Variants in SGTA observed in about 807,000 individuals in gnomAD.
SGTA encodes small glutamine rich tetratricopeptide repeat co-chaperone alpha, also known as small glutamine-rich tetratricopeptide repeat-containing protein alpha.
Under a neutral mutation model 44.3 loss-of-function variants are expected in SGTA, and 22 were observed. That is an observed-to-expected ratio of 0.50 (90% CI 0.36 to 0.71). The LOEUF is 0.71. Ranked by LOEUF, SGTA falls within the 30% of genes least tolerant of loss-of-function variation. The pLI is 0.00. For missense variants in SGTA, 341 were observed against 435.9 expected, an observed-to-expected ratio of 0.78 and a Z score of 1.94; for synonymous variants, 174 against 177.6, an observed-to-expected ratio of 0.98 and a Z score of 0.16.
In SGTA at chr19:2,761,599, AACGGCCCCCC is replaced by A. The variant is rs1448439851; in HGVS notation, c.637-87_637-78del. On this transcript the variant is annotated intron_variant, in intron 7 of 11. Transcript: ENST00000221566. This position sits in a 1 kb window ranked among gnomAD's most constrained non-coding sequence, Gnocchi z 5.7. ...GAATAACCCCCTGGAACTCAGAAAC[AACGGCCCCCC>A]ACGGGGCTCAGACATTCTATCAACC... 4.9e-6 allele frequency: 6 copies of A among 1,228,354 alleles called. No individual in the cohort carries two copies. The African/African-American group carries it at 9.0e-5, about 18-fold the overall frequency. 76.1% of individuals were successfully genotyped at this position (1,228,354 alleles called of 1,614,324 possible). A position where few individuals can be genotyped will look rare whatever the true frequency, so the allele number is the denominator to read the frequency against.
chr19:2,768,885 G>A, intron 2 of SGTA, 84 bp downstream of exon 2: 1 of 990,708 alleles, frequency 1.0e-6, no homozygotes, highest in Non-Finnish European at 1.6e-6. Context: ...CGGGGGACCA[G>A]GCATCTACAC....
At chr19:2,768,773 G>A (rs961636314) in intron 2 of SGTA, among the ~76,000 whole-genome samples, 196 bp downstream of exon 2, 1 of 152,244 alleles carries the variant, frequency 6.6e-6, no homozygotes, top group Admixed American at 6.5e-5. Flanking sequence ...AGTGGCAGGC[G>A]GGAGGGCTCA....
chr19:2,765,191 G>A lies in SGTA; in HGVS notation c.387C>T (p.Cys129=). The A allele has an allele frequency of 6.8e-6, 11 of 1,613,514 alleles. No homozygotes were observed. The highest frequency in any genetic ancestry group is 9.3e-6 in the Non-Finnish European group (11 of 1,179,502). The change falls in exon 5 of 12, where the codon TGC becomes TGT. Residue 129 remains cysteine, a synonymous_variant. Transcript: ENST00000221566. The surrounding 1 kb of genome is among the most constrained non-coding windows in gnomAD (Gnocchi z 5.5). ...GGCAGGCCCTGAGCTGGTACCTGTT[G>A]CAGAAATAGACGGCGTTGGCTGGGT... The part of the protein sequence containing the change: ...ELNPANAVYF[C]NRAAAYSKLG...
intron 1 of SGTA, among the ~76,000 whole-genome samples, chr19:2,779,759 A>G (rs1277629413): frequency 6.6e-6 from 1 of 152,186 alleles, no homozygotes; most frequent in African/African-American, 2.4e-5. Context: ...TTTTATCATT[A>G]AAATAAAAAC....
intron 11 of SGTA, among the ~76,000 whole-genome samples, chr19:2,756,356 C>T (rs1202182876): frequency 6.6e-6 from 1 of 150,578 alleles, no homozygotes; most frequent in Non-Finnish European, 1.5e-5. Flanking sequence ...TTTGGGAGGC[C>T]GAGGCGGGAG....
At chr19:2,756,018 A>G in intron 11 of SGTA, 85 bp from the exon 12 acceptor site, 4 of 783,618 alleles carry the variant, frequency 5.1e-6, no homozygotes, top group Non-Finnish European at 6.2e-6. Flanking sequence ...GGAGAGGCCC[A>G]GAGTGGACAG....
At position 2,765,361 on chromosome 19, in the gene SGTA, G is replaced by A. The variant is rs534620400; in HGVS notation, c.293-76C>T. The A allele has an allele frequency of 6.3e-5, 70 of 1,116,244 alleles. 2 individuals carry two copies. The highest frequency in any genetic ancestry group is 5.7e-4 in the South Asian group (44 of 76,530). The allele number at this position is 1,116,244 out of a possible 1,614,324, so 69.1% of individuals were successfully genotyped here. ...GGTGTCAGGGAGAGAGGAAAACACC[G>A]GCCTGGTGTCCACACAGACCCGAGG... On this transcript the variant is annotated intron_variant, in intron 4 of 11. Coordinates refer to ENST00000221566, the MANE Select transcript of SGTA (RefSeq NM_003021.4). The surrounding 1 kb of genome is among the most constrained non-coding windows in gnomAD (Gnocchi z 5.5).
chr19:2,769,177 C>T (rs1915231861), intron 1 of SGTA, 86 bp from the exon 2 acceptor site: 1 of 758,922 alleles, frequency 1.3e-6, no homozygotes. Context: ...AGCTGGGCCT[C>T]ACTTTAAGGG....
rs112124311 is a variant in SGTA, at chr19:2,765,823, G to A, written c.293-538C>T. 2.6e-5 allele frequency among the ~76,000 whole-genome samples: 4 copies of A among 151,978 alleles called. No individual in the cohort carries two copies. Among genetic ancestry groups the A allele is most frequent in the Non-Finnish European group, 5.9e-5 (4 of 67,994 alleles). Reference sequence around the variant, plus strand: ...AAGACAGAAACCCACTCCCGCCCCCGAGATCCCAATTCAGGAGGGCGTGGG... The same window carrying A: ...AAGACAGAAACCCACTCCCGCCCCCAAGATCCCAATTCAGGAGGGCGTGGG... On this transcript the variant is annotated intron_variant, in intron 4 of 11. Coordinates refer to ENST00000221566, the MANE Select transcript of SGTA (RefSeq NM_003021.4). The surrounding 1 kb of genome is among the most constrained non-coding windows in gnomAD (Gnocchi z 5.5).
chr19:2,759,297 G>A lies in SGTA; in HGVS notation c.700-3C>T. 2 of 1,613,724 alleles carry A rather than the reference G, an allele frequency of 1.2e-6. No individual in the cohort carries two copies. Among genetic ancestry groups the A allele is most frequent in the Non-Finnish European group, 1.7e-6 (2 of 1,179,658 alleles). On this transcript the variant is annotated splice_polypyrimidine_tract_variant and splice_region_variant and intron_variant, in intron 8 of 11. Transcript: ENST00000221566. ...GGATTGTTCATTAGGTTCGAAGCCT[G>A]AAGAACAGAACAAATTTGTCAGGAA...
At position 2,761,464 on chromosome 19, in the gene SGTA, C is replaced by T. The variant is rs754207978; in HGVS notation, c.695G>A (p.Ser232Asn). 20 of 1,551,498 alleles carry T rather than the reference C, an allele frequency of 1.3e-5. No homozygotes were observed. The South Asian group carries it at 1.8e-4, about 14-fold the overall frequency. Reference sequence around the variant, plus strand: ...GGAGGAGGGGCGGGCCGTTACCATGCTCATGAAGCCAGGGTTGTTCAGCAG... The same window carrying T: ...GGAGGAGGGGCGGGCCGTTACCATGTTCATGAAGCCAGGGTTGTTCAGCAG... Reference protein sequence around the residue: ...AGLLNNPGFMSMASNLMNNPQ... With the variant: ...AGLLNNPGFMNMASNLMNNPQ... Residue 232 changes from serine (S) to asparagine (N), a missense_variant, in exon 8 of 12, where the codon AGC becomes AAC. Ser to Asn is a conservative substitution (Grantham distance 46, BLOSUM62 1). Transcript: ENST00000221566. This position sits in a 1 kb window ranked among gnomAD's most constrained non-coding sequence, Gnocchi z 5.7.
intron 1 of SGTA, among the ~76,000 whole-genome samples, chr19:2,776,493 C>T (rs1370218248): frequency 1.3e-5 from 2 of 152,150 alleles, no homozygotes; most frequent in Non-Finnish European, 2.9e-5. Flanking sequence ...TCCCTAGAGT[C>T]GTTGGATTCA....
intron 1 of SGTA, among the ~76,000 whole-genome samples, chr19:2,771,495 G>C (rs1013712607): frequency 4.0e-5 from 6 of 151,124 alleles, no homozygotes; most frequent in African/African-American, 1.5e-4. Flanking sequence ...TTGGCAGTGT[G>C]ACCTAGGGGA....
At chr19:2,779,795 C>T (rs1176518242) in intron 1 of SGTA, among the ~76,000 whole-genome samples, 2 of 152,170 alleles carry the variant, frequency 1.3e-5, no homozygotes, top group Admixed American at 6.5e-5. Context: ...CCACCTCGGT[C>T]GGGGCGGTGG....
chr19:2,780,280 T>C (rs1406925462), intron 1 of SGTA, among the ~76,000 whole-genome samples: 1 of 152,104 alleles, frequency 6.6e-6, no homozygotes, highest in Non-Finnish European at 1.5e-5. Flanking sequence ...AAATCCACGG[T>C]GCTTCTCACC....
Position 2,761,840 on chromosome 19 carries a change from C to T in SGTA, c.637-318G>A, listed in dbSNP as rs1915001743. Among the ~76,000 whole-genome samples, 2 of 148,132 alleles carry T rather than the reference C, an allele frequency of 1.4e-5. No homozygotes were observed. The highest frequency in any genetic ancestry group is 2.2e-4 in the South Asian group (1 of 4,626). On this transcript the variant is annotated intron_variant, in intron 7 of 11. Coordinates refer to ENST00000221566, the MANE Select transcript of SGTA (RefSeq NM_003021.4). The surrounding 1 kb of genome is among the most constrained non-coding windows in gnomAD (Gnocchi z 5.7). The stretch of plus-strand genomic sequence containing the variant: ...CATCCCGTGTTTATTCCCCGCACAG[C>T]GCGACCGCCCGGGGACGGCACAGTC...
At chr19:2,756,028 G>A in intron 11 of SGTA, 95 bp from the exon 12 acceptor site, 12 of 685,904 alleles carry the variant, frequency 1.7e-5, no homozygotes, top group Non-Finnish European at 2.2e-5. Flanking sequence ...AGAGTGGACA[G>A]CCAGGGGCCA....
intron 1 of SGTA, among the ~76,000 whole-genome samples, chr19:2,776,209 A>G (rs1915442274): frequency 6.6e-6 from 1 of 152,222 alleles, no homozygotes; most frequent in Admixed American, 6.5e-5. Flanking sequence ...GCCACCCGAA[A>G]GGTGAAGATT....
chr19:2,761,418 T>C lies in SGTA; in HGVS notation c.699+42A>G, dbSNP rs1179075712. The stretch of plus-strand genomic sequence containing the variant: ...ACACAGCAGATGCGGGCCTGGGGGG[T>C]GGCGCAGACACCATGGACAGGGAGG... On this transcript the variant is annotated intron_variant, in intron 8 of 11. Coordinates refer to ENST00000221566, the MANE Select transcript of SGTA (RefSeq NM_003021.4). The surrounding 1 kb of genome is among the most constrained non-coding windows in gnomAD (Gnocchi z 5.7). 4 of 1,506,332 alleles carry C rather than the reference T, an allele frequency of 2.7e-6. No individual in the cohort carries two copies. The Admixed American group carries it at 7.9e-5, about 30-fold the overall frequency. 93.3% of individuals were successfully genotyped at this position (1,506,332 alleles called of 1,614,324 possible).
Sources: allele counts gnomAD v4.1 joint callset (sites outside exome capture counted in the v4.1 genomes callset), GRCh38; gene constraint gnomAD v4.1.1; non-coding constraint Gnocchi (gnomAD v3.1); transcripts MANE v1.5; gene names NCBI Gene and HGNC (gene_info 2026-07-23, HGNC 2026-07-21).